The following NPEPPS variants were observed in gnomAD, a reference collection of about 807,000 sequenced individuals.
NPEPPS encodes aminopeptidase puromycin sensitive, also known as puromycin-sensitive aminopeptidase.
NPEPPS carries 14 observed loss-of-function variants against 115.5 expected under a neutral mutation model. The observed-to-expected ratio is 0.12, with a 90% CI of 0.08 to 0.19. The LOEUF (loss-of-function observed/expected upper bound fraction) is 0.19, where lower values mean the gene tolerates loss of function less well. Among genes scored for constraint, NPEPPS ranks in the 10% least tolerant of loss-of-function variants. NPEPPS has a pLI of 1.00. For missense variants in NPEPPS, 523 were observed against 1,110.8 expected (o/e 0.47, Z 7.52); for synonymous variants, 285 against 390.6 (o/e 0.73, Z 3.19).
At chr17:47,596,307 AAAATAAAAAT>A (rs765122688) in intron 12 of NPEPPS, 36 bp from the exon 13 acceptor site, 1 of 1,234,558 alleles carries the variant, frequency 8.1e-7, no homozygotes, top group Non-Finnish European at 1.1e-6. Context: ...TTTGTTTAGG[AAAATAAAAAT>A]ATAAACATTT....
Position 47,622,979 on chromosome 17 carries a change from G to A in NPEPPS, c.*1059G>A. 2.2e-6 allele frequency: 1 copy of A among 454,026 alleles called. No homozygotes were observed. Among genetic ancestry groups the A allele is most frequent in the South Asian group, 1.6e-5 (1 of 64,224 alleles). 28.1% of individuals were successfully genotyped at this position (454,026 alleles called of 1,614,324 possible). A position where few individuals can be genotyped will look rare whatever the true frequency, so the allele number is the denominator to read the frequency against. Reference sequence around the variant, plus strand: ...GTAACTGGTTTAAAAAACAAAGACTGTAAGCCTGTGTGTGCCACTGTTTGC... The same window carrying A: ...GTAACTGGTTTAAAAAACAAAGACTATAAGCCTGTGTGTGCCACTGTTTGC... On this transcript the variant is annotated 3_prime_UTR_variant, in exon 23 of 23. Transcript: ENST00000322157.
intron 13 of NPEPPS, among the ~76,000 whole-genome samples, 175 bp downstream of exon 13, chr17:47,596,637 A>C (rs1056253089): frequency 2.0e-5 from 3 of 152,264 alleles, no homozygotes; most frequent in Non-Finnish European, 1.5e-5. Context: ...TGCTTAAGAG[A>C]GAAAACAAAA....
Position 47,601,717 on chromosome 17 carries a change from G to C in NPEPPS, c.1710G>C (p.Leu570Phe). The C allele has an allele frequency of 6.2e-7, 1 of 1,613,366 alleles. No homozygotes were observed. Among genetic ancestry groups the C allele is most frequent in the Non-Finnish European group, 8.5e-7 (1 of 1,179,688 alleles). Reference sequence around the variant, plus strand: ...ACAAGCCAGAGATGAATGTGGTTTTGAAAAATGTCAAACCAGACCAATGGG... The same window carrying C: ...ACAAGCCAGAGATGAATGTGGTTTTCAAAAATGTCAAACCAGACCAATGGG... ...LMDKPEMNVVLKNVKPDQWVK... is the reference protein window; with the variant it reads ...LMDKPEMNVVFKNVKPDQWVK... Residue 570 changes from leucine (L) to phenylalanine (F), a missense_variant, in exon 15 of 23, where the codon TTG (leucine) becomes TTC (phenylalanine). Transcript: ENST00000322157.
At chr17:47,600,352 C>T (rs564427037) in intron 14 of NPEPPS, among the ~76,000 whole-genome samples, 1 of 152,212 alleles carries the variant, frequency 6.6e-6, no homozygotes, top group South Asian at 2.1e-4. Context: ...TGGAGAATTG[C>T]TTGAGCCCAT....
intron 1 of NPEPPS, among the ~76,000 whole-genome samples, chr17:47,537,058 C>T (rs1908356838): frequency 6.6e-6 from 1 of 151,862 alleles, no homozygotes; most frequent in Non-Finnish European, 1.5e-5. Context: ...AACACTGTGG[C>T]TCACTCCTGT....
chr17:47,617,165 GCT>G (rs1235010661), intron 19 of NPEPPS, among the ~76,000 whole-genome samples: 4 of 152,202 alleles, frequency 2.6e-5, no homozygotes, highest in South Asian at 2.1e-4. Flanking sequence ...TGTATAACAT[GCT>G]CTCTTTCCAG....
chr17:47,620,570 A>T (rs935761929), intron 22 of NPEPPS, among the ~76,000 whole-genome samples: 142 of 152,318 alleles, frequency 9.3e-4, no homozygotes, highest in African/African-American at 3.4e-3. Flanking sequence ...CTGGTGTATA[A>T]ATGTTGGTAC....
At chr17:47,601,042 G>A (rs4793908) in intron 14 of NPEPPS, among the ~76,000 whole-genome samples, 67,674 of 151,678 alleles carry the variant, frequency 0.45, 16,177 homozygotes, top group East Asian at 0.55. Flanking sequence ...GGCCAATATG[G>A]CAAAACCCCA....
chr17:47,618,994 T>C lies in NPEPPS; in HGVS notation c.2404-15T>C, dbSNP rs932200458. The stretch of plus-strand genomic sequence containing the variant: ...TTTTGATACACTAGACTTTTAGCTC[T>C]CTTTCTTTTTTTAGGAAGAGGTACG... On this transcript the variant is annotated splice_polypyrimidine_tract_variant and intron_variant, in intron 20 of 22. Coordinates refer to ENST00000322157, the MANE Select transcript of NPEPPS (RefSeq NM_006310.4). The C allele has an allele frequency of 3.1e-6, 5 of 1,609,598 alleles. No individual in the cohort carries two copies. In the East Asian group the frequency reaches 1.1e-4, roughly 36 times the overall value.
At chr17:47,580,956 C>T (rs953951625) in intron 4 of NPEPPS, 1 of 151,972 alleles carries the variant, frequency 6.6e-6, no homozygotes. Context: ...ATAGTGGGTT[C>T]TTTCTTACAT....
intron 1 of NPEPPS, among the ~76,000 whole-genome samples, chr17:47,533,188 C>T (rs902742178): frequency 4.6e-5 from 7 of 152,146 alleles, no homozygotes; most frequent in Admixed American, 3.9e-4. Context: ...ATAGCTGTCA[C>T]ATTTGGAGCA....
intron 19 of NPEPPS, among the ~76,000 whole-genome samples, chr17:47,616,683 CAAAAAAAAA>C (rs751616382): frequency 1.0e-5 from 1 of 95,666 alleles, no homozygotes; most frequent in Non-Finnish European, 2.1e-5. Flanking sequence ...GACTCCGTCT[CAAAAAAAAA>C]AAAAGAAAAG....
At chr17:47,584,954 A>C (rs1409109753) in intron 5 of NPEPPS, among the ~76,000 whole-genome samples, 1 of 151,948 alleles carries the variant, frequency 6.6e-6, no homozygotes, top group African/African-American at 2.4e-5. Flanking sequence ...CAGCCTCCCA[A>C]GTAGCTGGGA....
At chr17:47,582,320 ATATTTT>A (rs1488469878) in intron 4 of NPEPPS, 1 of 225,418 alleles carries the variant, frequency 4.4e-6, no homozygotes, top group Non-Finnish European at 9.0e-6. Context: ...AAGATTGAGA[ATATTTT>A]TATTTTTAAT....
intron 1 of NPEPPS, among the ~76,000 whole-genome samples, chr17:47,536,959 C>G (rs1003193006): frequency 6.6e-6 from 1 of 151,702 alleles, no homozygotes; most frequent in Admixed American, 6.6e-5. Context: ...GTGATCCACC[C>G]GCCTTGGCCT....
At chr17:47,574,365 A>G (rs1360770345) in intron 3 of NPEPPS, among the ~76,000 whole-genome samples, 5 of 152,160 alleles carry the variant, frequency 3.3e-5, no homozygotes, top group African/African-American at 1.2e-4. Context: ...ATTGTTGTTC[A>G]GCATTAGGAA....
chr17:47,602,792 C>T (rs537432536), intron 15 of NPEPPS, among the ~76,000 whole-genome samples: 27 of 151,880 alleles, frequency 1.8e-4, no homozygotes, highest in African/African-American at 6.3e-4. Context: ...AGTCATGAGC[C>T]ACCATGCCTG....
intron 12 of NPEPPS, chr17:47,596,146 G>GT (rs1912864859): frequency 2.3e-6 from 1 of 431,468 alleles, no homozygotes; most frequent in African/African-American, 2.0e-5. Context: ...AAGTAAGACC[G>GT]TATCTCAAAA....
At chr17:47,550,852 C>T (rs1039692778) in intron 2 of NPEPPS, among the ~76,000 whole-genome samples, 10 of 151,998 alleles carry the variant, frequency 6.6e-5, no homozygotes, top group South Asian at 2.1e-4. Flanking sequence ...GTCTCGAACT[C>T]GAGACCTCAG....
Sources: allele counts gnomAD v4.1 joint callset (sites outside exome capture counted in the v4.1 genomes callset), GRCh38; gene constraint gnomAD v4.1.1; transcripts MANE v1.5; gene names NCBI Gene and HGNC (gene_info 2026-07-23, HGNC 2026-07-21).